The following CACNA1H variants were observed in gnomAD, a reference collection of about 807,000 sequenced individuals.
CACNA1H encodes voltage-dependent T-type calcium channel subunit alpha-1H.
CACNA1H carries 149 observed loss-of-function variants against 192.5 expected under a neutral mutation model. That is an observed-to-expected ratio of 0.77 (90% confidence interval 0.68 to 0.89). The LOEUF is 0.89. Among genes scored for constraint, CACNA1H ranks in the 40% least tolerant of loss-of-function variants. The pLI is 0.00. For missense variants in CACNA1H, 4,257 were observed against 3,423.5 expected (o/e 1.24, Z -6.08); for synonymous variants, 2,202 against 1,475.2 (o/e 1.49, Z -11.29).
chr16:1,196,210 G>A (rs957392959), intron 5 of CACNA1H, among the ~76,000 whole-genome samples, 187 bp downstream of exon 5: 6 of 152,264 alleles, frequency 3.9e-5, no homozygotes, highest in Non-Finnish European at 7.3e-5. Flanking sequence ...GCATGTCAGG[G>A]GAGAATCAAG....
rs762208364 is a variant in CACNA1H at position 1,210,345 on chromosome 16, C to T, written c.3846-25C>T. ...TGCCATCCACGCCGCCCCGCCCCACCTCTCACCCGCCCCCGCCCACCCAGG... is the reference window on the plus strand; with the variant it reads ...TGCCATCCACGCCGCCCCGCCCCACTTCTCACCCGCCCCCGCCCACCCAGG... On this transcript the variant is annotated intron_variant, in intron 18 of 34. Transcript: ENST00000348261. 8.5e-6 allele frequency: 9 copies of T among 1,058,316 alleles called. No homozygotes were observed. The Middle Eastern group carries it at 7.0e-4, about 83-fold the overall frequency. 65.6% of individuals were successfully genotyped at this position (1,058,316 alleles called of 1,614,324 possible). A position where few individuals can be genotyped will look rare whatever the true frequency, so the allele number is the denominator to read the frequency against.
chr16:1,171,291 G>A (rs1018024980), intron 2 of CACNA1H, among the ~76,000 whole-genome samples: 7 of 152,172 alleles, frequency 4.6e-5, no homozygotes, highest in African/African-American at 1.4e-4. Flanking sequence ...CTGGGCGTCT[G>A]GGGGGATCGT....
At position 1,206,087 on chromosome 16, in the gene CACNA1H, C is replaced by A. The variant is rs781633068; in HGVS notation, c.2604-17C>A. On this transcript the variant is annotated splice_polypyrimidine_tract_variant and intron_variant, in intron 11 of 34. Transcript: ENST00000348261. ...GGGATCGTGGCCCCGCTGACCCTCGCCCCCACCTGTCCGCAGCGTCTGGGA... is the reference window on the plus strand; with the variant it reads ...GGGATCGTGGCCCCGCTGACCCTCGACCCCACCTGTCCGCAGCGTCTGGGA... 1.2e-4 allele frequency: 184 copies of A among 1,553,520 alleles called. 1 individual carries two copies. The South Asian group carries it at 1.8e-3, about 15-fold the overall frequency.
At position 1,220,425 on chromosome 16, in the gene CACNA1H, C is replaced by T; in HGVS notation, c.6493C>T (p.Pro2165Ser). ...CTCGGCGGAGCTGGGCAGCGGGGAG[C>T]CTGGGGAGGCGAAGGCCTGGGGCCC... ...RPSAELGSGE[P>S]GEAKAWGPEA... The change falls in exon 35 of 35, where the codon CCT (proline) becomes TCT (serine). Residue 2165 changes from proline to serine, a missense_variant. Physicochemically the swap from Pro to Ser is moderately conservative, Grantham distance 74. Coordinates refer to ENST00000348261, the MANE Select transcript of CACNA1H (RefSeq NM_021098.3). 7 of 1,532,982 alleles carry T rather than the reference C, an allele frequency of 4.6e-6. No individual in the cohort carries two copies. The highest frequency in any genetic ancestry group is 1.3e-5 in the South Asian group (1 of 77,508). 95.0% of individuals were successfully genotyped at this position (1,532,982 alleles called of 1,614,324 possible).
chr16:1,210,859 C>T lies in CACNA1H; in HGVS notation c.4111C>T (p.Leu1371=). 1.9e-6 allele frequency: 3 copies of T among 1,605,540 alleles called. No individual in the cohort carries two copies. Among genetic ancestry groups the T allele is most frequent in the East Asian group, 2.2e-5 (1 of 44,886 alleles). ...CAGCTGGAACCTGCTGGATGGGCTG[C>T]TGGTGCTGGTGTCCCTGGTGGACAT... The part of the protein sequence containing the change: ...QSSWNLLDGL[L]VLVSLVDIVV... Residue 1371 remains leucine (L), a synonymous_variant, in exon 21 of 35, where the codon CTG becomes TTG. Coordinates refer to ENST00000348261, the MANE Select transcript of CACNA1H (RefSeq NM_021098.3).
chr16:1,210,927 T>G lies in CACNA1H; in HGVS notation c.4179T>G (p.Gly1393=), dbSNP rs756845622. The G allele has an allele frequency of 1.2e-6, 2 of 1,602,078 alleles. No homozygotes were observed. Among genetic ancestry groups the G allele is most frequent in the South Asian group, 2.2e-5 (2 of 91,024 alleles). The change falls in exon 21 of 35, where the codon GGT becomes GGG. Residue 1393 remains glycine, a synonymous_variant. Transcript: ENST00000348261. The stretch of plus-strand genomic sequence containing the variant: ...CGGCTGGTGGCGCCAAGATCCTGGG[T>G]GTTCTGCGCGTGCTGCGTCTGCTGC... ...MASAGGAKIL[G]VLRVLRLLRT...
At chr16:1,182,789 G>C (rs1249244661) in intron 2 of CACNA1H, among the ~76,000 whole-genome samples, 1 of 152,138 alleles carries the variant, frequency 6.6e-6, no homozygotes, top group African/African-American at 2.4e-5. Flanking sequence ...TCACTGTGGC[G>C]GGGACCCCCA....
At position 1,207,321 on chromosome 16, in the gene CACNA1H, C is replaced by T. The variant is rs766946572; in HGVS notation, c.2954C>T (p.Ala985Val). The change falls in exon 14 of 35, where the codon GCC (alanine) becomes GTC (valine). Residue 985 changes from alanine (A) to valine (V), a missense_variant. Coordinates refer to ENST00000348261, the MANE Select transcript of CACNA1H (RefSeq NM_021098.3). The part of the protein sequence containing the change: ...DWNVVLYNGM[A>V]STSSWAALYF... ...AACGTGGTCCTGTACAACGGCATGG[C>T]CTCCACCTCCTCCTGGGCCGCCCTC... 10 of 1,610,896 alleles carry T rather than the reference C, an allele frequency of 6.2e-6. No individual in the cohort carries two copies. Among genetic ancestry groups the T allele is most frequent in the Middle Eastern group, 1.7e-4 (1 of 6,058 alleles).
rs776105154 is a variant in CACNA1H, at chr16:1,211,304, C to T, written c.4350+10C>T. The T allele has an allele frequency of 1.2e-6, 2 of 1,612,632 alleles. No individual in the cohort carries two copies. The highest frequency in any genetic ancestry group is 1.7e-6 in the Non-Finnish European group (2 of 1,179,628). On this transcript the variant is annotated intron_variant, in intron 22 of 34. Transcript: ENST00000348261. ...CATTTTGGGTGTGCAGGTGTGTGGC[C>T]CCCACGTGCCCGGGGGTCTGCCCCG...
chr16:1,163,957 G>C (rs1963487424), intron 2 of CACNA1H, among the ~76,000 whole-genome samples: 1 of 152,236 alleles, frequency 6.6e-6, no homozygotes, highest in African/African-American at 2.4e-5. Flanking sequence ...GGTTAGTGAA[G>C]AGGGGAGAGG....
chr16:1,186,534 C>T (rs761290361), intron 2 of CACNA1H, among the ~76,000 whole-genome samples: 16 of 152,086 alleles, frequency 1.1e-4, no homozygotes, highest in African/African-American at 2.7e-4. Flanking sequence ...TCTCATCCTC[C>T]GGCGATTCCC....
intron 9 of CACNA1H, among the ~76,000 whole-genome samples, chr16:1,203,417 C>T (rs1019697409): frequency 6.6e-6 from 1 of 152,164 alleles, no homozygotes; most frequent in African/African-American, 2.4e-5. Flanking sequence ...ATGGCACAGC[C>T]CAAGGCAGGC....
At chr16:1,198,865 G>A (rs1329133268) in intron 6 of CACNA1H, 91 bp downstream of exon 6, 1 of 1,312,680 alleles carries the variant, frequency 7.6e-7, no homozygotes, top group African/African-American at 1.5e-5. Flanking sequence ...GCCCCACGTG[G>A]CTCTGCCCAC....
Position 1,194,664 on chromosome 16 carries a change from C to G in CACNA1H, c.300-308C>G, listed in dbSNP as rs1474361854. ...GTCTGAGTGGCCCTCACTGGGGCCT[C>G]ACTACCGATGCGGCCAGCCCACCGA... On this transcript the variant is annotated intron_variant, in intron 2 of 34. Coordinates refer to ENST00000348261, the MANE Select transcript of CACNA1H (RefSeq NM_021098.3). 3.3e-5 allele frequency among the ~76,000 whole-genome samples: 5 copies of G among 152,184 alleles called. No individual in the cohort carries two copies. The East Asian group carries it at 9.6e-4, about 29-fold the overall frequency.
At chr16:1,213,647 C>A in intron 26 of CACNA1H, 133 bp from the exon 27 acceptor site, 1 of 598,272 alleles carries the variant, frequency 1.7e-6, no homozygotes, top group African/African-American at 1.9e-5. Flanking sequence ...CAGGGCCAGC[C>A]CCATCTTCAC....
At chr16:1,198,572 C>T in intron 5 of CACNA1H, 43 bp from the exon 6 acceptor site, 2 of 1,607,282 alleles carry the variant, frequency 1.2e-6, no homozygotes, top group South Asian at 1.1e-5. Flanking sequence ...GAGGACACTC[C>T]TGCAGGGCTT....
chr16:1,204,257 CACACCA>C lies in CACNA1H; in HGVS notation c.2251_2256del (p.Thr751_Pro752del). 5 of 1,609,822 alleles carry C rather than the reference CACACCA, an allele frequency of 3.1e-6. No homozygotes were observed. Among genetic ancestry groups the C allele is most frequent in the Non-Finnish European group, 4.2e-6 (5 of 1,178,476 alleles). On this transcript the variant is annotated inframe_deletion, in exon 10 of 35. Transcript: ENST00000348261. Reference sequence around the variant, plus strand: ...CCACGCGACCACCCCGTGCGACGGACACACCAGGCCCAGGCCCAGGCAGCCCCCAGC... The same window carrying C: ...CCACGCGACCACCCCGTGCGACGGACGGCCCAGGCCCAGGCAGCCCCCAGC...
chr16:1,189,370 G>T (rs75809745), intron 2 of CACNA1H, among the ~76,000 whole-genome samples: 1 of 146,086 alleles, frequency 6.8e-6, no homozygotes, highest in African/African-American at 2.5e-5. Context: ...GGCTGTGCTG[G>T]ACCTGGCAGG....
At chr16:1,210,195 C>T (rs1969260497) in intron 18 of CACNA1H, 60 bp downstream of exon 18, 4 of 1,396,958 alleles carry the variant, frequency 2.9e-6, no homozygotes, top group Admixed American at 2.0e-5. Context: ...CCCCCGCCCC[C>T]AGGTCCCTCC....
Sources: gnomAD v4.1 joint callset for allele counts (sites outside exome capture counted in the v4.1 genomes callset) on GRCh38, gnomAD v4.1.1 for gene constraint, MANE v1.5 for transcripts, NCBI Gene and HGNC (gene_info 2026-07-23, HGNC 2026-07-21) for gene names.